Variants in PDE7B observed in about 807,000 individuals in gnomAD.
PDE7B encodes phosphodiesterase 7B, also known as 3',5'-cyclic-AMP phosphodiesterase 7B.
A neutral mutation model predicts 56.2 loss-of-function variants in PDE7B; 29 were observed. That is an observed-to-expected ratio of 0.52 (90% confidence interval 0.38 to 0.70). The LOEUF (loss-of-function observed/expected upper bound fraction) is 0.70. PDE7B is among the 30% of genes least tolerant of loss of function. The pLI is 0.00. For missense variants in PDE7B, 490 were observed against 565.0 expected (o/e 0.87, Z 1.35); for synonymous variants, 197 against 196.9 (o/e 1.00, Z 0.00).
At chr6:135,953,837 AAGAC>A (rs1337563302) in intron 2 of PDE7B, among the ~76,000 whole-genome samples, 5 of 152,288 alleles carry the variant, frequency 3.3e-5, no homozygotes, top group African/African-American at 1.2e-4. Context: ...ACTGTGTTGA[AAGAC>A]AGACGTTTTC....
chr6:135,910,530 A>T (rs1173188555), intron 1 of PDE7B, among the ~76,000 whole-genome samples: 1 of 152,154 alleles, frequency 6.6e-6, no homozygotes, highest in Non-Finnish European at 1.5e-5. Flanking sequence ...CTCCTCCATT[A>T]TCCACATCCC....
At chr6:136,164,191 T>G (rs762284113) in intron 8 of PDE7B, among the ~76,000 whole-genome samples, 1 of 152,170 alleles carries the variant, frequency 6.6e-6, no homozygotes, top group Non-Finnish European at 1.5e-5. Flanking sequence ...CTTACCATCA[T>G]AGCAGAAGGA....
At chr6:136,040,496 G>A (rs75083356) in intron 2 of PDE7B, among the ~76,000 whole-genome samples, 8,935 of 152,156 alleles carry the variant, frequency 0.059, 315 homozygotes, top group Admixed American at 0.092. Flanking sequence ...TGAGCATCAG[G>A]TGTCTTCAGC....
At chr6:135,989,117 G>A (rs1464430854) in intron 2 of PDE7B, among the ~76,000 whole-genome samples, 1 of 152,026 alleles carries the variant, frequency 6.6e-6, no homozygotes, top group Non-Finnish European at 1.5e-5. Context: ...TGAAAATTAA[G>A]TTCTATGTAA....
intron 8 of PDE7B, among the ~76,000 whole-genome samples, chr6:136,164,369 G>C (rs1277450177): frequency 2.0e-5 from 3 of 152,088 alleles, no homozygotes; most frequent in Admixed American, 6.5e-5. Flanking sequence ...GGTCCCTCCT[G>C]TCACATGTAT....
intron 2 of PDE7B, among the ~76,000 whole-genome samples, chr6:136,000,788 G>A (rs999984879): frequency 6.6e-6 from 1 of 152,212 alleles, no homozygotes; most frequent in African/African-American, 2.4e-5. Flanking sequence ...CAAACAAAAA[G>A]ACAGCAGTAA....
At chr6:135,879,214 C>T (rs59760535) in intron 1 of PDE7B, among the ~76,000 whole-genome samples, 3,260 of 152,074 alleles carry the variant, frequency 0.021, 116 homozygotes, top group African/African-American at 0.071. Flanking sequence ...AATAAGAAGC[C>T]TTTTATTGCT....
chr6:136,155,653 C>T lies in PDE7B; in HGVS notation c.606C>T (p.Asp202=), dbSNP rs1336542578. 1 of 1,613,430 alleles carries T rather than the reference C, an allele frequency of 6.2e-7. No homozygotes were observed. The highest frequency in any genetic ancestry group is 1.3e-5 in the African/African-American group (1 of 74,906). The part of the protein sequence containing the change: ...PKLASFLTPL[D]IMLGLLAAAA... ...TTGCCAGCTTCCTCACGCCTCTGGA[C>T]ATCATGCTTGGACTGCTGGCTGCAG... is the stretch of plus-strand genomic sequence containing the variant. The change falls in exon 8 of 13, where the codon GAC becomes GAT. Residue 202 remains aspartate (D), a synonymous_variant. Coordinates refer to ENST00000308191, the MANE Select transcript of PDE7B (RefSeq NM_018945.4).
intron 2 of PDE7B, among the ~76,000 whole-genome samples, chr6:135,990,888 G>A (rs1038657905): frequency 1.3e-5 from 2 of 152,236 alleles, no homozygotes; most frequent in South Asian, 2.1e-4. Flanking sequence ...CATGGGCAGA[G>A]CAGCCCTGAA....
chr6:135,985,823 C>T (rs1583812252), intron 2 of PDE7B, among the ~76,000 whole-genome samples: 1 of 152,192 alleles, frequency 6.6e-6, no homozygotes, highest in South Asian at 2.1e-4. Context: ...GAAGCATGCA[C>T]TTTGATAGTC....
chr6:135,860,634 T>C (rs1263544672), intron 1 of PDE7B, among the ~76,000 whole-genome samples: 1 of 152,018 alleles, frequency 6.6e-6, no homozygotes, highest in Non-Finnish European at 1.5e-5. Flanking sequence ...ATTAAGGTGT[T>C]TCTAATATCT....
intron 2 of PDE7B, among the ~76,000 whole-genome samples, chr6:136,103,457 T>C (rs1777597362): frequency 6.6e-6 from 1 of 152,234 alleles, no homozygotes; most frequent in African/African-American, 2.4e-5. Context: ...AGTAGTCAGC[T>C]GAAATAAACA....
Position 136,038,025 on chromosome 6 carries a change from G to A in PDE7B, c.83-70706G>A, listed in dbSNP as rs144930111. On this transcript the variant is annotated intron_variant, in intron 2 of 12. Coordinates refer to ENST00000308191, the MANE Select transcript of PDE7B (RefSeq NM_018945.4). ...AGTACAGTAACAGTTTCTCACCAGAGAGAAACCTAGGGAAGTGAATCGCTC... is the reference window on the plus strand; with the variant it reads ...AGTACAGTAACAGTTTCTCACCAGAAAGAAACCTAGGGAAGTGAATCGCTC... The A allele has an allele frequency of 7.7e-4, 1,008 of 1,317,154 alleles. 14 individuals carry two copies. Among genetic ancestry groups the A allele is most frequent in the Non-Finnish European group, 1.3e-4 (130 of 1,002,492 alleles). 81.6% of individuals were successfully genotyped at this position (1,317,154 alleles called of 1,614,324 possible). A position where few individuals can be genotyped will look rare whatever the true frequency, so the allele number is the denominator to read the frequency against.
chr6:136,105,498 A>G (rs1434973895), intron 2 of PDE7B, among the ~76,000 whole-genome samples: 1 of 152,240 alleles, frequency 6.6e-6, no homozygotes, highest in Non-Finnish European at 1.5e-5. Context: ...TAATAATAAT[A>G]ACAGCTACTT....
chr6:136,016,764 GA>G (rs574679603), intron 2 of PDE7B, among the ~76,000 whole-genome samples: 11 of 148,210 alleles, frequency 7.4e-5, no homozygotes, highest in South Asian at 4.3e-4. Context: ...ACTTCTGGGA[GA>G]AAAAAAAAAT....
At chr6:136,074,151 T>C (rs1395356553) in intron 2 of PDE7B, among the ~76,000 whole-genome samples, 1 of 151,738 alleles carries the variant, frequency 6.6e-6, no homozygotes, top group Non-Finnish European at 1.5e-5. Context: ...AAGAATCATT[T>C]GAACCCAGGA....
At chr6:135,906,829 T>TTTTTTTTTTTTTTTTTTTTTTG (rs1562434158) in intron 1 of PDE7B, among the ~76,000 whole-genome samples, 1 of 142,604 alleles carries the variant, frequency 7.0e-6, no homozygotes, top group African/African-American at 2.8e-5. Context: ...TTTTTTTTTT[T>TTTTTTTTTTTTTTTTTTTTTTG]TTTTTTTAAT....
intron 2 of PDE7B, among the ~76,000 whole-genome samples, chr6:136,094,442 TC>T (rs1441072250): frequency 7.2e-5 from 11 of 152,260 alleles, no homozygotes; most frequent in African/African-American, 2.6e-4. Flanking sequence ...GATTTGCTGT[TC>T]CCTGAGCCTG....
At chr6:135,964,054 A>C (rs757505004) in intron 2 of PDE7B, among the ~76,000 whole-genome samples, 26 of 151,766 alleles carry the variant, frequency 1.7e-4, no homozygotes, top group Admixed American at 6.6e-4. Flanking sequence ...AAAAATTAAA[A>C]TGTGTTGTGA....
Sources: allele counts gnomAD v4.1 joint callset (sites outside exome capture counted in the v4.1 genomes callset), GRCh38; gene constraint gnomAD v4.1.1; transcripts MANE v1.5; gene names NCBI Gene and HGNC (gene_info 2026-07-23, HGNC 2026-07-21).